The following FBXO34 variants were observed in gnomAD, a reference collection of about 807,000 sequenced individuals.
FBXO34 encodes the protein F-box only protein 34.
A neutral mutation model predicts 24.5 loss-of-function variants in FBXO34; 12 were observed. That is an observed-to-expected ratio of 0.49 (90% confidence interval 0.31 to 0.79). The LOEUF is 0.79. Ranked by LOEUF, FBXO34 falls within the 30% of genes least tolerant of loss-of-function variation. The pLI, the probability that FBXO34 is intolerant of heterozygous loss-of-function variation, is 0.04. For missense variants in FBXO34, 823 were observed against 857.7 expected (o/e 0.96, Z 0.51); for synonymous variants, 320 against 311.9 (o/e 1.03, Z -0.27).
the FBXO34 span, chr14:55,411,695 C>A: frequency 2.5e-6 from 4 of 1,612,960 alleles, no homozygotes; most frequent in Non-Finnish European, 3.4e-6. Flanking sequence ...GCACAGCGGG[C>A]AGCGCTCCAC....
chr14:55,293,508 C>T (rs377372046), intron 1 of FBXO34, among the ~76,000 whole-genome samples: 4 of 152,074 alleles, frequency 2.6e-5, no homozygotes, highest in African/African-American at 9.7e-5. Context: ...TTGTAAGGGC[C>T]TGATATCTAT....
the FBXO34 span, chr14:55,395,995 G>C: frequency 6.4e-7 from 1 of 1,569,792 alleles, no homozygotes; most frequent in Non-Finnish European, 8.6e-7. Flanking sequence ...GTGAGGAAAA[G>C]AGACAGAAAA....
chr14:55,417,386 T>A, the FBXO34 span, among the ~76,000 whole-genome samples: 1 of 149,238 alleles, frequency 6.7e-6, no homozygotes, highest in Non-Finnish European at 1.5e-5. Flanking sequence ...ATAGTCCTAT[T>A]AATAATCAAT....
At chr14:55,273,612 C>A (rs922472487) in intron 1 of FBXO34, among the ~76,000 whole-genome samples, 3 of 152,074 alleles carry the variant, frequency 2.0e-5, no homozygotes, top group Admixed American at 2.0e-4. Flanking sequence ...TCACCAGAGA[C>A]TGAGAGGCAC....
the FBXO34 span, among the ~76,000 whole-genome samples, chr14:55,405,197 G>C: frequency 2.0e-5 from 3 of 152,136 alleles, no homozygotes; most frequent in African/African-American, 7.2e-5. Context: ...GAATTCTCAA[G>C]ACAATAGATT....
At chr14:55,348,031 CTTGAA>C (rs1884215238) in intron 1 of FBXO34, among the ~76,000 whole-genome samples, 1 of 152,170 alleles carries the variant, frequency 6.6e-6, no homozygotes, top group Non-Finnish European at 1.5e-5. Flanking sequence ...GTCATCCGTT[CTTGAA>C]TTCTGGGTAG....
At chr14:55,371,694 C>T (rs1246775930), downstream of FBXO34, among the ~76,000 whole-genome samples, 1 of 152,132 alleles carries the variant, frequency 6.6e-6, no homozygotes, top group African/African-American at 2.4e-5. Context: ...GTCCCGGCTA[C>T]TCAGGAGGCT....
At chr14:55,315,409 C>G (rs1425558000) in intron 1 of FBXO34, among the ~76,000 whole-genome samples, 2 of 152,194 alleles carry the variant, frequency 1.3e-5, no homozygotes, top group African/African-American at 4.8e-5. Context: ...TGGGACTTCC[C>G]TTTACCAGCA....
At chr14:55,355,887 C>T (rs1013076102), downstream of FBXO34, among the ~76,000 whole-genome samples, 1 of 152,200 alleles carries the variant, frequency 6.6e-6, no homozygotes, top group Non-Finnish European at 1.5e-5. Context: ...GTATGAGAAA[C>T]CTGACAGGGA....
chr14:55,306,680 A>G (rs1882556825), intron 1 of FBXO34, among the ~76,000 whole-genome samples: 1 of 152,092 alleles, frequency 6.6e-6, no homozygotes, highest in Non-Finnish European at 1.5e-5. Flanking sequence ...TAAAAATACA[A>G]AAACTAGCCA....
chr14:55,306,156 T>C lies in FBXO34; in HGVS notation c.-11+34619T>C, dbSNP rs1405764355. On this transcript the variant is annotated intron_variant, in intron 1 of 1. Transcript: ENST00000313833. ...TGTAGTAAGCCATGAAGTTGAGTTATGTGAACACTAAACTTCCAAAAAGTT... is the reference window on the plus strand; with the variant it reads ...TGTAGTAAGCCATGAAGTTGAGTTACGTGAACACTAAACTTCCAAAAAGTT... 2.0e-5 allele frequency among the ~76,000 whole-genome samples: 3 copies of C among 152,252 alleles called. No individual in the cohort carries two copies. The East Asian group carries it at 5.8e-4, about 29-fold the overall frequency.
At chr14:55,311,399 T>C (rs1326375471) in intron 1 of FBXO34, among the ~76,000 whole-genome samples, 1 of 152,192 alleles carries the variant, frequency 6.6e-6, no homozygotes, top group Non-Finnish European at 1.5e-5. Context: ...AACCATATCA[T>C]TGTTTTCCTG....
the FBXO34 span, among the ~76,000 whole-genome samples, chr14:55,422,569 A>T: frequency 2.2e-4 from 33 of 152,126 alleles, no homozygotes; most frequent in African/African-American, 7.7e-4. Flanking sequence ...AACTTTCTGT[A>T]GGTGGGGCAC....
intron 1 of FBXO34, among the ~76,000 whole-genome samples, chr14:55,282,090 G>A (rs1379984450): frequency 7.3e-6 from 1 of 136,858 alleles, no homozygotes; most frequent in Admixed American, 7.9e-5. Context: ...TCCGCCTCCC[G>A]GGTTCAAGCG....
intron 1 of FBXO34, among the ~76,000 whole-genome samples, chr14:55,299,726 T>C (rs1454528984): frequency 1.3e-5 from 2 of 152,226 alleles, no homozygotes; most frequent in Non-Finnish European, 2.9e-5. Context: ...TTTGTGGTTA[T>C]CACTTTTAAA....
downstream of FBXO34, among the ~76,000 whole-genome samples, chr14:55,373,717 C>A (rs1166126177): frequency 1.3e-5 from 2 of 152,044 alleles, no homozygotes; most frequent in Non-Finnish European, 2.9e-5. Flanking sequence ...CCTCAGCCTC[C>A]CAAAGTGCTG....
chr14:55,318,625 A>G (rs1352160844), intron 1 of FBXO34, among the ~76,000 whole-genome samples: 1 of 150,984 alleles, frequency 6.6e-6, no homozygotes, highest in Non-Finnish European at 1.5e-5. Context: ...TTGTCCTCAC[A>G]AAGTTTTGGG....
chr14:55,440,098 AAATC>A, the FBXO34 span, among the ~76,000 whole-genome samples: 128 of 151,328 alleles, frequency 8.5e-4, no homozygotes, highest in East Asian at 5.2e-3. Context: ...TCTCAGAGAA[AAATC>A]AATCAATCAA....
downstream of FBXO34, among the ~76,000 whole-genome samples, chr14:55,364,861 T>A (rs1884645715): frequency 6.6e-6 from 1 of 151,404 alleles, no homozygotes; most frequent in Non-Finnish European, 1.5e-5. Context: ...CTCAACCTCC[T>A]GAGTACCTGG....
Sources: allele counts gnomAD v4.1 joint callset (sites outside exome capture counted in the v4.1 genomes callset), GRCh38; gene constraint gnomAD v4.1.1; transcripts MANE v1.5; gene names NCBI Gene and HGNC (gene_info 2026-07-23, HGNC 2026-07-21).